Variants in GSTCD observed in about 807,000 individuals in gnomAD.
GSTCD encodes glutathione S-transferase C-terminal domain containing, also known as glutathione S-transferase C-terminal domain-containing protein.
In GSTCD, 44 loss-of-function variants were observed where a neutral mutation model predicts 68.3. That is an observed-to-expected ratio of 0.64 (90% confidence interval 0.51 to 0.83). The LOEUF (loss-of-function observed/expected upper bound fraction) is 0.83. Among genes scored for constraint, GSTCD ranks in the 40% least tolerant of loss-of-function variants. The pLI is 0.00. For synonymous variants in GSTCD, 273 were observed against 255.2 expected (o/e 1.07, Z -0.67); for missense variants, 739 against 735.9 (o/e 1.00, Z -0.05).
At position 105,729,476 on chromosome 4, in the gene GSTCD, C is replaced by T. The variant is rs777744074; in HGVS notation, c.1217C>T (p.Pro406Leu). 1.2e-6 allele frequency: 2 copies of T among 1,611,502 alleles called. No individual in the cohort carries two copies. Among genetic ancestry groups the T allele is most frequent in the Non-Finnish European group, 1.7e-6 (2 of 1,178,380 alleles). ...PTWTLDWNVL[P>L]AAVSPKEGKM... ...TGGACTCTTGATTGGAATGTTCTCC[C>T]TGCAGCAGTCAGCCCAAAGGAAGGT... Residue 406 changes from proline to leucine, a missense_variant, in exon 5 of 12, where the codon CCT becomes CTT. Pro to Leu is a moderately conservative substitution (Grantham distance 98, BLOSUM62 -3). Coordinates refer to ENST00000515279, the MANE Select transcript of GSTCD (RefSeq NM_001370181.1).
intron 8 of GSTCD, among the ~76,000 whole-genome samples, chr4:105,827,370 T>C (rs1323690524): frequency 2.0e-5 from 3 of 152,198 alleles, no homozygotes; most frequent in Non-Finnish European, 2.9e-5. Flanking sequence ...GTGTATAATT[T>C]ACTAATGCCA....
chr4:105,748,009 C>G (rs1042211195), intron 5 of GSTCD, among the ~76,000 whole-genome samples: 3 of 152,082 alleles, frequency 2.0e-5, no homozygotes, highest in African/African-American at 7.2e-5. Context: ...AATCCCAGCA[C>G]TTTGGGAAGC....
chr4:105,780,579 T>TA (rs1292972638), intron 5 of GSTCD, among the ~76,000 whole-genome samples: 2 of 152,240 alleles, frequency 1.3e-5, no homozygotes, highest in Non-Finnish European at 2.9e-5. Context: ...CTGCAGAAGA[T>TA]ATTATAGACA....
chr4:105,711,311 G>C (rs1414276089), intron 1 of GSTCD, among the ~76,000 whole-genome samples: 1 of 152,142 alleles, frequency 6.6e-6, no homozygotes, highest in Non-Finnish European at 1.5e-5. Context: ...TTCTTATTTT[G>C]TACAATAGGT....
At chr4:105,827,961 G>T (rs1393656610) in intron 8 of GSTCD, among the ~76,000 whole-genome samples, 2 of 151,744 alleles carry the variant, frequency 1.3e-5, no homozygotes, top group African/African-American at 4.8e-5. Flanking sequence ...ATATTTATTT[G>T]CAAATAGTAT....
chr4:105,748,115 C>T (rs1376486990), intron 5 of GSTCD, among the ~76,000 whole-genome samples: 3 of 151,866 alleles, frequency 2.0e-5, no homozygotes, highest in African/African-American at 4.8e-5. Context: ...ATTAGCTGTG[C>T]GTGGTGGTAC....
rs148962421 is a variant in GSTCD at position 105,742,035 on chromosome 4, T to C, written c.1240+12536T>C. ...CAGGAGAAATCTCTAATACAATCTG[T>C]ATTAAGATTTTATTGGTACTTGGTT... On this transcript the variant is annotated intron_variant, in intron 5 of 11. Coordinates refer to ENST00000515279, the MANE Select transcript of GSTCD (RefSeq NM_001370181.1). 4.8e-3 allele frequency among the ~76,000 whole-genome samples: 731 copies of C among 152,324 alleles called. 9 individuals carry two copies. The highest frequency in any genetic ancestry group is 6.8e-3 in the Non-Finnish European group (462 of 68,022).
At chr4:105,755,732 T>C (rs916771372) in intron 5 of GSTCD, among the ~76,000 whole-genome samples, 4 of 152,062 alleles carry the variant, frequency 2.6e-5, no homozygotes, top group African/African-American at 4.8e-5. Context: ...TATTACTTAC[T>C]GTGAGATATT....
intron 5 of GSTCD, among the ~76,000 whole-genome samples, chr4:105,786,265 CT>C (rs1735461404): frequency 1.3e-5 from 2 of 151,218 alleles, no homozygotes; most frequent in Non-Finnish European, 2.9e-5. Flanking sequence ...AATCCTAGCA[CT>C]TTCGGAGGCT....
chr4:105,776,527 A>G (rs1735068773), intron 5 of GSTCD, among the ~76,000 whole-genome samples: 1 of 152,220 alleles, frequency 6.6e-6, no homozygotes, highest in Non-Finnish European at 1.5e-5. Flanking sequence ...AAAGCATAGT[A>G]TCTGTGCTGA....
chr4:105,740,311 A>C (rs975870003), intron 5 of GSTCD, among the ~76,000 whole-genome samples: 2 of 151,838 alleles, frequency 1.3e-5, no homozygotes, highest in Non-Finnish European at 2.9e-5. Context: ...AGTGAGGACT[A>C]TAGTTTTGCT....
chr4:105,783,368 T>C (rs912930191), intron 5 of GSTCD, among the ~76,000 whole-genome samples: 12 of 152,226 alleles, frequency 7.9e-5, no homozygotes, highest in African/African-American at 2.7e-4. Context: ...CTAAACTTCC[T>C]GATACATTCT....
At chr4:105,794,316 G>A (rs568963817) in intron 5 of GSTCD, among the ~76,000 whole-genome samples, 28 of 152,060 alleles carry the variant, frequency 1.8e-4, no homozygotes, top group Admixed American at 1.4e-3. Flanking sequence ...ATCCCCGTAC[G>A]ATACTACAAT....
At chr4:105,844,559 A>G (rs1164061982) in intron 11 of GSTCD, among the ~76,000 whole-genome samples, 1 of 152,130 alleles carries the variant, frequency 6.6e-6, no homozygotes, top group African/African-American at 2.4e-5. Context: ...GTTTTAGTTT[A>G]TCAGTTTCCA....
At chr4:105,711,325 T>C (rs1354390714) in intron 1 of GSTCD, among the ~76,000 whole-genome samples, 1 of 152,264 alleles carries the variant, frequency 6.6e-6, no homozygotes, top group African/African-American at 2.4e-5. Context: ...AATAGGTTGA[T>C]ATGCACATGG....
At chr4:105,737,279 C>T (rs1733494269) in intron 5 of GSTCD, among the ~76,000 whole-genome samples, 1 of 152,130 alleles carries the variant, frequency 6.6e-6, no homozygotes, top group African/African-American at 2.4e-5. Flanking sequence ...GACGTTCTAA[C>T]TGGGATGAGA....
chr4:105,830,974 G>A (rs189844224), intron 8 of GSTCD, among the ~76,000 whole-genome samples: 6 of 152,182 alleles, frequency 3.9e-5, no homozygotes, highest in Admixed American at 6.5e-5. Flanking sequence ...ATCAATATAC[G>A]TTCATCATAT....
chr4:105,804,080 A>C (rs1736237956), intron 5 of GSTCD, among the ~76,000 whole-genome samples: 1 of 152,114 alleles, frequency 6.6e-6, no homozygotes, highest in South Asian at 2.1e-4. Context: ...ATGTATTTCT[A>C]TTTATGAACC....
intron 1 of GSTCD, among the ~76,000 whole-genome samples, chr4:105,710,432 TTG>T (rs1732498648): frequency 6.7e-6 from 1 of 149,442 alleles, no homozygotes; most frequent in South Asian, 2.1e-4. Flanking sequence ...TTTCACCATG[TTG>T]GCCAGGCTGG....
Sources: allele counts gnomAD v4.1 joint callset (sites outside exome capture counted in the v4.1 genomes callset), GRCh38; gene constraint gnomAD v4.1.1; transcripts MANE v1.5; gene names NCBI Gene and HGNC (gene_info 2026-07-23, HGNC 2026-07-21).